The following TMPRSS11F variants were observed in gnomAD, a reference collection of about 807,000 sequenced individuals.
TMPRSS11F encodes the protein transmembrane protease serine 11F.
A neutral mutation model predicts 60.2 loss-of-function variants in TMPRSS11F; 47 were observed. That is an observed-to-expected ratio of 0.78 (90% CI 0.62 to 1.00). The LOEUF is 1.00. Ranked by LOEUF, TMPRSS11F falls within the 50% of genes least tolerant of loss-of-function variation. The pLI is 0.00. For missense variants in TMPRSS11F, 519 were observed against 522.9 expected (o/e 0.99, Z 0.07); for synonymous variants, 166 against 167.3 (o/e 0.99, Z 0.06).
intron 1 of TMPRSS11F, among the ~76,000 whole-genome samples, chr4:68,113,638 G>A (rs954728958): frequency 3.9e-5 from 6 of 152,124 alleles, no homozygotes; most frequent in African/African-American, 9.7e-5. Context: ...CAAAGTACTC[G>A]AAGCAAATAC....
intron 4 of TMPRSS11F, 115 bp downstream of exon 4, chr4:68,073,827 T>A (rs1723529167): frequency 1.6e-6 from 1 of 636,254 alleles, no homozygotes; most frequent in Non-Finnish European, 2.7e-6. Context: ...CTGCTCAAGA[T>A]TTATGAAATC....
rs577969425 is a variant in TMPRSS11F at position 68,083,276 on chromosome 4, AC to A, written c.282+7246del. 7.9e-5 allele frequency among the ~76,000 whole-genome samples: 12 copies of A among 152,276 alleles called. No homozygotes were observed. In the South Asian group the frequency reaches 2.5e-3, roughly 32 times the overall value. ...GTAGAGGCAGAAAGCCTACCTGGGCACCCCTTGAGGCTAAAGAAATGAGGGC... is the reference window on the plus strand; with the variant it reads ...GTAGAGGCAGAAAGCCTACCTGGGCACCCTTGAGGCTAAAGAAATGAGGGC... On this transcript the variant is annotated intron_variant, in intron 3 of 9. Transcript: ENST00000356291.
Position 68,129,847 on chromosome 4 carries a change from T to A in TMPRSS11F, c.-27A>T, listed in dbSNP as rs1324544309. ...AACCCAGGACTGGGGCAGCTTCTAT[T>A]CAGTCACCATCTGATCTGTATCAGC... On this transcript the variant is annotated 5_prime_UTR_variant, in exon 1 of 10. Coordinates refer to ENST00000356291, the MANE Select transcript of TMPRSS11F (RefSeq NM_207407.2). The A allele has an allele frequency of 1.2e-6, 2 of 1,612,438 alleles. No homozygotes were observed. Among genetic ancestry groups the A allele is most frequent in the Non-Finnish European group, 1.7e-6 (2 of 1,178,760 alleles).
intron 1 of TMPRSS11F, among the ~76,000 whole-genome samples, chr4:68,101,826 TTG>T (rs1293266388): frequency 1.3e-5 from 2 of 152,168 alleles, no homozygotes; most frequent in African/African-American, 4.8e-5. Flanking sequence ...TAACCATTTT[TTG>T]TTTGTTTTTG....
intron 9 of TMPRSS11F, among the ~76,000 whole-genome samples, chr4:68,055,663 C>G (rs1366585443): frequency 6.6e-6 from 1 of 152,116 alleles, no homozygotes; most frequent in East Asian, 1.9e-4. Flanking sequence ...GAAATAATAC[C>G]AATCTTTCTT....
chr4:68,129,783 C>T (rs781004856), intron 1 of TMPRSS11F, 27 bp downstream of exon 1: 8 of 1,611,544 alleles, frequency 5.0e-6, no homozygotes, highest in East Asian at 2.2e-5. Flanking sequence ...CACTGATAAC[C>T]TTTACTGAGA....
intron 1 of TMPRSS11F, among the ~76,000 whole-genome samples, chr4:68,114,989 TTA>T (rs1724485094): frequency 2.7e-5 from 1 of 37,120 alleles, no homozygotes; most frequent in East Asian, 9.9e-4. Flanking sequence ...AATTCATTAT[TTA>T]AAAAAAAAAA....
At position 68,086,739 on chromosome 4, in the gene TMPRSS11F, G is replaced by A. The variant is rs1723822720; in HGVS notation, c.282+3784C>T. On this transcript the variant is annotated intron_variant, in intron 3 of 9. Transcript: ENST00000356291. The stretch of plus-strand genomic sequence containing the variant: ...CCCACAGAAATACTCAGTCTATTAT[G>A]AACACCCCTATGCATGTAAATTAGA... 2.6e-5 allele frequency among the ~76,000 whole-genome samples: 4 copies of A among 151,746 alleles called. No individual in the cohort carries two copies. The Admixed American group carries it at 2.6e-4, about 10-fold the overall frequency.
At position 68,056,719 on chromosome 4, in the gene TMPRSS11F, T is replaced by C. The variant is rs148873592; in HGVS notation, c.1158+2607A>G. Among the ~76,000 whole-genome samples the C allele has an allele frequency of 1.7e-3, 255 of 152,076 alleles. 2 individuals carry two copies. The highest frequency in any genetic ancestry group is 6.0e-3 in the African/African-American group (249 of 41,482). ...TCCATATAGAAGCAAAAAAAAACCTTGAATAGTCAAAATAATTTTGAGCAA... is the reference window on the plus strand; with the variant it reads ...TCCATATAGAAGCAAAAAAAAACCTCGAATAGTCAAAATAATTTTGAGCAA... On this transcript the variant is annotated intron_variant, in intron 9 of 9. Transcript: ENST00000356291.
intron 8 of TMPRSS11F, chr4:68,061,790 T>G (rs1178120757): frequency 9.1e-6 from 4 of 441,428 alleles, no homozygotes; most frequent in Admixed American, 7.2e-5. Context: ...CAACAGAAAG[T>G]TACGTAGTTC....
intron 3 of TMPRSS11F, among the ~76,000 whole-genome samples, chr4:68,081,348 A>G (rs1376773263): frequency 2.6e-5 from 4 of 152,252 alleles, no homozygotes; most frequent in Non-Finnish European, 5.9e-5. Context: ...CTGAGCATTC[A>G]GTTCCAAAGT....
chr4:68,087,947 C>T (rs1430758788), intron 3 of TMPRSS11F, among the ~76,000 whole-genome samples: 3 of 146,276 alleles, frequency 2.1e-5, no homozygotes, highest in Non-Finnish European at 4.5e-5. Context: ...TCAGTTCCCA[C>T]CTATGAGTGA....
At chr4:68,078,081 C>T (rs941350485) in intron 3 of TMPRSS11F, among the ~76,000 whole-genome samples, 2 of 152,160 alleles carry the variant, frequency 1.3e-5, no homozygotes, top group Admixed American at 6.5e-5. Flanking sequence ...TCCCAGGAAG[C>T]GGTGGATGGT....
intron 5 of TMPRSS11F, 85 bp downstream of exon 5, chr4:68,072,223 AAAAAAAAATATATAT>A: frequency 1.6e-5 from 1 of 62,046 alleles, no homozygotes; most frequent in Non-Finnish European, 3.2e-5. Flanking sequence ...ATATCTTCCA[AAAAAAAAATATATAT>A]ATATATATAT....
intron 7 of TMPRSS11F, among the ~76,000 whole-genome samples, chr4:68,065,673 C>T (rs1723310470): frequency 6.6e-6 from 1 of 152,000 alleles, no homozygotes; most frequent in African/African-American, 2.4e-5. Context: ...TAAAGTTATC[C>T]TCATCCTGGG....
intron 3 of TMPRSS11F, among the ~76,000 whole-genome samples, chr4:68,078,948 T>C (rs1255034367): frequency 6.6e-6 from 1 of 151,814 alleles, no homozygotes; most frequent in African/African-American, 2.4e-5. Context: ...TGGGGAAGGA[T>C]TAGGAGTCTT....
chr4:68,096,944 C>T (rs1358958855), intron 2 of TMPRSS11F, among the ~76,000 whole-genome samples: 1 of 152,152 alleles, frequency 6.6e-6, no homozygotes, highest in Non-Finnish European at 1.5e-5. Context: ...AATGTAATTT[C>T]CTTTACTGAA....
chr4:68,118,893 A>G (rs779726358), intron 1 of TMPRSS11F, among the ~76,000 whole-genome samples: 29 of 152,216 alleles, frequency 1.9e-4, no homozygotes, highest in Non-Finnish European at 4.3e-4. Flanking sequence ...AATGAGTTGC[A>G]TGTCTCACAT....
At chr4:68,104,045 T>A (rs187573522) in intron 1 of TMPRSS11F, among the ~76,000 whole-genome samples, 1 of 152,306 alleles carries the variant, frequency 6.6e-6, no homozygotes, top group Admixed American at 6.5e-5. Context: ...GTTCTAATAG[T>A]GTTTTGTGGC....
Sources: allele counts gnomAD v4.1 joint callset (sites outside exome capture counted in the v4.1 genomes callset), GRCh38; gene constraint gnomAD v4.1.1; transcripts MANE v1.5; gene names NCBI Gene and HGNC (gene_info 2026-07-23, HGNC 2026-07-21).